The following COBL variants were observed in gnomAD, a reference collection of about 807,000 sequenced individuals.
The protein encoded by COBL is cordon-bleu WH2 repeat protein, also known as protein cordon-bleu.
COBL carries 51 observed loss-of-function variants against 98.8 expected under a neutral mutation model. That is an observed-to-expected ratio of 0.52 (90% CI 0.41 to 0.65). The LOEUF is 0.65. Among genes scored for constraint, COBL ranks in the 30% least tolerant of loss-of-function variants. The pLI is 0.00. For synonymous variants in COBL, 634 were observed against 651.7 expected (o/e 0.97, Z 0.41); for missense variants, 1,617 against 1,617.5 (o/e 1.00, Z 0.01).
chr7:51,257,361 G>A (rs1003384845), intron 1 of COBL, among the ~76,000 whole-genome samples: 1 of 152,098 alleles, frequency 6.6e-6, no homozygotes, highest in Non-Finnish European at 1.5e-5. Flanking sequence ...CAATGCAGTC[G>A]AATATGCCAT....
At chr7:51,056,201 A>G (rs1344913816) in intron 7 of COBL, among the ~76,000 whole-genome samples, 2 of 128,448 alleles carry the variant, frequency 1.6e-5, no homozygotes, top group African/African-American at 6.1e-5. Context: ...AAGAGCAAAG[A>G]AACAATATGG....
At chr7:51,139,954 C>A (rs1799582065) in intron 5 of COBL, among the ~76,000 whole-genome samples, 1 of 152,166 alleles carries the variant, frequency 6.6e-6, no homozygotes, top group Non-Finnish European at 1.5e-5. Flanking sequence ...TGCTTGCCTG[C>A]AAGAGAGGTT....
intron 5 of COBL, among the ~76,000 whole-genome samples, chr7:51,165,616 T>C (rs2129038537): frequency 6.6e-6 from 1 of 150,954 alleles, no homozygotes; most frequent in South Asian, 2.1e-4. Flanking sequence ...ATCGAATGGA[T>C]CTAATAGATA....
chr7:51,089,582 T>C (rs898871509), intron 6 of COBL, among the ~76,000 whole-genome samples: 10 of 152,218 alleles, frequency 6.6e-5, no homozygotes, highest in Admixed American at 2.0e-4. Flanking sequence ...TCAGTGGCCA[T>C]TGCTTCTCTC....
chr7:51,259,321 C>T (rs1797501903), intron 1 of COBL: 3 of 196,518 alleles, frequency 1.5e-5, no homozygotes, highest in Admixed American at 5.7e-5. Flanking sequence ...CCCAATCTCA[C>T]GGTTACTAAT....
At chr7:51,274,929 G>T (rs527823728) in intron 1 of COBL, among the ~76,000 whole-genome samples, 1 of 152,298 alleles carries the variant, frequency 6.6e-6, no homozygotes, top group East Asian at 1.9e-4. Context: ...TGATTTTTAG[G>T]TCTGCATATG....
chr7:51,182,235 A>T (rs1789042948), intron 5 of COBL, among the ~76,000 whole-genome samples: 1 of 152,050 alleles, frequency 6.6e-6, no homozygotes. Flanking sequence ...AAAACCAACA[A>T]GACAACATTC....
chr7:51,193,671 G>T, intron 2 of COBL, 82 bp from the exon 3 acceptor site: 1 of 1,250,910 alleles, frequency 8.0e-7, no homozygotes, highest in South Asian at 1.3e-5. Flanking sequence ...TAGAACAAAT[G>T]AACAAGTGGA....
intron 4 of COBL, chr7:51,188,076 A>T: frequency 1.2e-6 from 1 of 822,728 alleles, no homozygotes; most frequent in Non-Finnish European, 1.6e-6. Context: ...AGCAGTGAGA[A>T]GGTCTCTTGC....
intron 1 of COBL, among the ~76,000 whole-genome samples, chr7:51,265,657 G>A (rs1798131651): frequency 6.6e-6 from 1 of 152,218 alleles, no homozygotes; most frequent in African/African-American, 2.4e-5. Flanking sequence ...TGCCCAGAGG[G>A]GAAGAAGGGG....
chr7:51,187,838 T>C (rs774683394), intron 4 of COBL: 82 of 1,123,468 alleles, frequency 7.3e-5, no homozygotes, highest in Non-Finnish European at 7.9e-5. Flanking sequence ...AAACATCACC[T>C]CTGTGCAGCT....
chr7:51,280,793 A>T (rs1799753073), intron 1 of COBL, among the ~76,000 whole-genome samples: 1 of 152,230 alleles, frequency 6.6e-6, no homozygotes, highest in Non-Finnish European at 1.5e-5. Context: ...GGCCACCGGT[A>T]GCAGAAACAT....
intron 1 of COBL, among the ~76,000 whole-genome samples, chr7:51,282,935 T>C (rs1365378015): frequency 6.6e-6 from 1 of 152,112 alleles, no homozygotes; most frequent in Non-Finnish European, 1.5e-5. Context: ...AATGTAATCA[T>C]ATATGACTAC....
At position 51,267,457 on chromosome 7, in the gene COBL, C is replaced by T. The variant is rs116683037; in HGVS notation, c.42-47513G>A. Among the ~76,000 whole-genome samples, 435 of 151,976 alleles carry T rather than the reference C, an allele frequency of 2.9e-3. 8 individuals are homozygous for T. The highest frequency in any genetic ancestry group is 9.9e-3 in the African/African-American group (412 of 41,464). ...GACTTGAGGCCTCTACTTCCATTTT[C>T]ATACATTCATTTATTTGTATTTTTA... On this transcript the variant is annotated intron_variant, in intron 1 of 12. Coordinates refer to ENST00000265136, the MANE Select transcript of COBL (RefSeq NM_015198.5).
intron 7 of COBL, among the ~76,000 whole-genome samples, chr7:51,067,820 C>G (rs1792097342): frequency 6.6e-6 from 1 of 152,218 alleles, no homozygotes; most frequent in Admixed American, 6.5e-5. Flanking sequence ...TTTCCATTCT[C>G]TTCAACTCTG....
At chr7:51,224,932 G>A (rs994506537) in intron 1 of COBL, among the ~76,000 whole-genome samples, 1 of 150,040 alleles carries the variant, frequency 6.7e-6, no homozygotes, top group African/African-American at 2.5e-5. Context: ...CTGTGCGTGT[G>A]GGCGGCCCGT....
intron 6 of COBL, among the ~76,000 whole-genome samples, chr7:51,132,580 A>G (rs1798849636): frequency 6.6e-6 from 1 of 152,162 alleles, no homozygotes; most frequent in African/African-American, 2.4e-5. Flanking sequence ...GAGGAAAACA[A>G]ACTCTCCTTC....
At chr7:51,171,243 G>A (rs956465290) in intron 5 of COBL, among the ~76,000 whole-genome samples, 1 of 151,964 alleles carries the variant, frequency 6.6e-6, no homozygotes, top group Non-Finnish European at 1.5e-5. Context: ...TTTGCAAGTC[G>A]GATGGCTCCC....
At chr7:51,261,290 C>G (rs1358586247) in intron 1 of COBL, among the ~76,000 whole-genome samples, 1 of 152,214 alleles carries the variant, frequency 6.6e-6, no homozygotes. Context: ...TCTCTTCCAA[C>G]TCAGTATCAC....
Sources: gnomAD v4.1 joint callset for allele counts (sites outside exome capture counted in the v4.1 genomes callset) on GRCh38, gnomAD v4.1.1 for gene constraint, MANE v1.5 for transcripts, NCBI Gene and HGNC (gene_info 2026-07-23, HGNC 2026-07-21) for gene names.